The following CLUAP1 variants were observed in gnomAD, a reference collection of about 807,000 sequenced individuals.
CLUAP1 encodes the protein intraflagellar transport 38.
CLUAP1 carries 50 observed loss-of-function variants against 55.0 expected under a neutral mutation model. The observed-to-expected ratio is 0.91, with a 90% CI of 0.72 to 1.15. CLUAP1 has a LOEUF of 1.15. Among genes scored for constraint, CLUAP1 ranks in the 50% most tolerant of loss-of-function variants. CLUAP1 has a pLI of 0.00. For synonymous variants in CLUAP1, 195 were observed against 175.4 expected, an observed-to-expected ratio of 1.11 and a Z score of -0.88; for missense variants, 530 against 507.6, an observed-to-expected ratio of 1.04 and a Z score of -0.42.
intron 3 of CLUAP1, 44 bp downstream of exon 3, chr16:3,506,459 T>A: frequency 1.4e-6 from 2 of 1,443,610 alleles, no homozygotes; most frequent in Non-Finnish European, 2.0e-6. Flanking sequence ...TTAAATAAAC[T>A]AGAAAGGATG....
At chr16:3,518,174 A>C (rs1052810906) in intron 6 of CLUAP1, among the ~76,000 whole-genome samples, 2 of 152,230 alleles carry the variant, frequency 1.3e-5, no homozygotes, top group African/African-American at 4.8e-5. Context: ...TGTGTTGTAC[A>C]ACAGGTTTTC....
chr16:3,505,377 A>G (rs1042397320), intron 2 of CLUAP1, among the ~76,000 whole-genome samples: 2 of 151,232 alleles, frequency 1.3e-5, no homozygotes, highest in African/African-American at 4.9e-5. Context: ...AAAAACACAA[A>G]AAATTAGCCA....
intron 10 of CLUAP1, among the ~76,000 whole-genome samples, chr16:3,531,995 C>T (rs982806073): frequency 8.5e-5 from 13 of 152,074 alleles, no homozygotes; most frequent in Non-Finnish European, 1.9e-4. Context: ...CGTGCCACCA[C>T]ACCCAGCTAA....
chr16:3,500,787 C>G (rs1046160016), upstream of CLUAP1: 16 of 517,362 alleles, frequency 3.1e-5, no homozygotes, highest in Non-Finnish European at 5.5e-5. Flanking sequence ...GAAACGTCCG[C>G]AAAGCGTGTA....
upstream of CLUAP1, chr16:3,496,418 C>T (rs555375962): frequency 6.6e-6 from 7 of 1,065,248 alleles, no homozygotes; most frequent in South Asian, 1.2e-5. Context: ...GAAGATGAAG[C>T]TTCCTGGCTG....
chr16:3,496,522 C>T, upstream of CLUAP1: 1 of 574,824 alleles, frequency 1.7e-6, no homozygotes, highest in South Asian at 1.4e-5. Flanking sequence ...CTGCCCGTGA[C>T]CAGCCGGCCC....
In CLUAP1 at chr16:3,519,967, C is replaced by G; in HGVS notation, c.644C>G (p.Ala215Gly). 6.2e-7 allele frequency: 1 copy of G among 1,613,348 alleles called. No individual in the cohort carries two copies. The highest frequency in any genetic ancestry group is 8.5e-7 in the Non-Finnish European group (1 of 1,179,696). The change falls in exon 7 of 12, where the codon GCC becomes GGC. Residue 215 changes from alanine to glycine, a missense_variant. Ala to Gly is a moderately conservative substitution (Grantham distance 60). Coordinates refer to ENST00000576634, the MANE Select transcript of CLUAP1 (RefSeq NM_015041.3). The stretch of plus-strand genomic sequence containing the variant: ...GCCTCTGATGAAGCTAATTTAGAAG[C>G]CAAAATCGAAAAGAGAAAATTAGAA... ...NVASDEANLE[A>G]KIEKRKLELE...
chr16:3,503,146 T>G (rs1383073774), intron 1 of CLUAP1, among the ~76,000 whole-genome samples: 1 of 151,928 alleles, frequency 6.6e-6, no homozygotes, highest in African/African-American at 2.4e-5. Context: ...ACCTAACTTT[T>G]GTATTTTTAT....
chr16:3,501,215 G>C, intron 1 of CLUAP1, 126 bp downstream of exon 1: 1 of 1,001,944 alleles, frequency 1.0e-6, no homozygotes, highest in Admixed American at 2.3e-5. Context: ...GGGCCTCTGC[G>C]CCTCAGGGAC....
At chr16:3,514,011 C>A (rs2037684426) in intron 5 of CLUAP1, among the ~76,000 whole-genome samples, 1 of 152,188 alleles carries the variant, frequency 6.6e-6, no homozygotes, top group African/African-American at 2.4e-5. Context: ...CAGTTGCCAC[C>A]TGATGAAGTG....
Position 3,508,488 on chromosome 16 carries a change from TGTA to T in CLUAP1, c.399+23_399+25del. 6.5e-7 allele frequency: 1 copy of T among 1,536,160 alleles called. No individual in the cohort carries two copies. Among genetic ancestry groups the T allele is most frequent in the Non-Finnish European group, 8.7e-7 (1 of 1,150,812 alleles). On this transcript the variant is annotated intron_variant, in intron 4 of 11. Transcript: ENST00000576634. ...TCAAAGGTAAGGACAACAAAAGCCTTGTAGTGGGCGATGGAGCGTTGATTTCTT... is the reference window on the plus strand; with the variant it reads ...TCAAAGGTAAGGACAACAAAAGCCTTGTGGGCGATGGAGCGTTGATTTCTT...
Position 3,508,283 on chromosome 16 carries a change from A to C in CLUAP1, c.220-6A>C. 6.3e-7 allele frequency: 1 copy of C among 1,586,334 alleles called. No homozygotes were observed. Among genetic ancestry groups the C allele is most frequent in the South Asian group, 1.2e-5 (1 of 84,602 alleles). On this transcript the variant is annotated splice_polypyrimidine_tract_variant and splice_region_variant and intron_variant, in intron 3 of 11. Transcript: ENST00000576634. Reference sequence around the variant, plus strand: ...TCAACTTTTTTTTTTTTTGGTCTAAAAATAGGCCACCAAGGCACATATAAA... The same window carrying C: ...TCAACTTTTTTTTTTTTTGGTCTAACAATAGGCCACCAAGGCACATATAAA...
At chr16:3,500,657 C>T (rs1249731194), upstream of CLUAP1, among the ~76,000 whole-genome samples, 4 of 152,190 alleles carry the variant, frequency 2.6e-5, 1 homozygote, top group Admixed American at 2.0e-4. Context: ...AGGCGTGAGC[C>T]CCCGCGCCCA....
intron 11 of CLUAP1, 111 bp downstream of exon 11, chr16:3,532,952 C>T (rs554739808): frequency 2.2e-5 from 32 of 1,425,232 alleles, no homozygotes; most frequent in East Asian, 4.6e-5. Context: ...ATGGTCAGCC[C>T]GGCCGTGCCT....
Position 3,536,135 on chromosome 16 carries a change from A to C in CLUAP1, c.1106A>C (p.Glu369Ala), listed in dbSNP as rs780913044. 4 of 1,614,086 alleles carry C rather than the reference A, an allele frequency of 2.5e-6. No individual in the cohort carries two copies. Among genetic ancestry groups the C allele is most frequent in the South Asian group, 1.1e-5 (1 of 91,076 alleles). Residue 369 changes from glutamate (E) to alanine (A), a missense_variant, in exon 12 of 12, where the codon GAG becomes GCG. Glu to Ala is a moderately radical substitution (Grantham distance 107). Coordinates refer to ENST00000576634, the MANE Select transcript of CLUAP1 (RefSeq NM_015041.3). Reference sequence around the variant, plus strand: ...TTTTTCCTATAGGAGGACTCGGAGGAGAGTGAAATTGACATGGAAGATGAT... The same window carrying C: ...TTTTTCCTATAGGAGGACTCGGAGGCGAGTGAAATTGACATGGAAGATGAT... ...GDSDDNEDSE[E>A]SEIDMEDDDD... is the part of the protein sequence containing the mutation.
At chr16:3,520,466 A>C (rs1012947329) in intron 7 of CLUAP1, among the ~76,000 whole-genome samples, 6 of 152,186 alleles carry the variant, frequency 3.9e-5, no homozygotes, top group African/African-American at 1.4e-4. Flanking sequence ...AATGAAAAAA[A>C]GCCTTACATA....
At chr16:3,522,982 A>AT (rs890817875) in intron 7 of CLUAP1, among the ~76,000 whole-genome samples, 176 bp from the exon 8 acceptor site, 50 of 152,154 alleles carry the variant, frequency 3.3e-4, no homozygotes, top group African/African-American at 1.0e-3. Flanking sequence ...AAGTATGTTC[A>AT]TTTTGGGGGG....
chr16:3,531,248 C>T lies in CLUAP1; in HGVS notation c.1036+573C>T, dbSNP rs151142107. On this transcript the variant is annotated intron_variant, in intron 10 of 11. Transcript: ENST00000576634. ...TCTTAAAACTAAGTTAAGCCAGGCG[C>T]GGTGGCTCACGCCTGTAATCCCAGC... Among the ~76,000 whole-genome samples, 986 of 152,246 alleles carry T rather than the reference C, an allele frequency of 6.5e-3. 16 individuals are homozygous for T. The highest frequency in any genetic ancestry group is 0.022 in the African/African-American group (933 of 41,544).
At chr16:3,520,130 C>T (rs535874380) in intron 7 of CLUAP1, 94 bp downstream of exon 7, 1 of 1,269,610 alleles carries the variant, frequency 7.9e-7, no homozygotes, top group Non-Finnish European at 1.1e-6. Flanking sequence ...CTCAGCTACT[C>T]ATGAAGCTGG....
Sources: gnomAD v4.1 joint callset for allele counts (sites outside exome capture counted in the v4.1 genomes callset) on GRCh38, gnomAD v4.1.1 for gene constraint, MANE v1.5 for transcripts, NCBI Gene and HGNC (gene_info 2026-07-23, HGNC 2026-07-21) for gene names.